The following ASIC2 variants were observed in gnomAD, a reference collection of about 807,000 sequenced individuals.
ASIC2 encodes the protein acid-sensing ion channel 2.
ASIC2 carries 25 observed loss-of-function variants against 57.3 expected under a neutral mutation model. The observed-to-expected ratio is 0.44, with a 90% CI of 0.32 to 0.61. The LOEUF (loss-of-function observed/expected upper bound fraction) is 0.61. Among genes scored for constraint, ASIC2 ranks in the 20% least tolerant of loss-of-function variants. The pLI, the probability that ASIC2 is intolerant of heterozygous loss-of-function variation, is 0.06. For synonymous variants in ASIC2, 319 were observed against 307.5 expected (o/e 1.04, Z -0.39); for missense variants, 641 against 738.1 (o/e 0.87, Z 1.52).
intron 1 of ASIC2, among the ~76,000 whole-genome samples, chr17:33,611,769 G>A (rs1298224439): frequency 6.6e-6 from 1 of 152,228 alleles, no homozygotes; most frequent in African/African-American, 2.4e-5. Flanking sequence ...TGCCCTAGGA[G>A]AGTCACATGA....
intron 8 of ASIC2, among the ~76,000 whole-genome samples, chr17:33,017,248 A>T (rs183776101): frequency 2.8e-4 from 42 of 152,216 alleles, no homozygotes; most frequent in African/African-American, 1.0e-3. Flanking sequence ...ATGCTCATGG[A>T]TGAAGCCACC....
chr17:33,595,738 G>A (rs553008556), intron 1 of ASIC2, among the ~76,000 whole-genome samples: 20 of 152,220 alleles, frequency 1.3e-4, no homozygotes, highest in Non-Finnish European at 1.2e-4. Context: ...CCTTGCAGGG[G>A]GGTTGTGAAA....
chr17:33,303,477 C>G (rs540074700), intron 1 of ASIC2, among the ~76,000 whole-genome samples: 1 of 152,200 alleles, frequency 6.6e-6, no homozygotes, highest in South Asian at 2.1e-4. Context: ...GAAGGCCACA[C>G]AAAAACATTT....
chr17:34,058,317 G>A (rs1240932851), intron 1 of ASIC2, among the ~76,000 whole-genome samples: 1 of 152,016 alleles, frequency 6.6e-6, no homozygotes, highest in Non-Finnish European at 1.5e-5. Context: ...CACCTCACTG[G>A]GTCATCTCAC....
intron 1 of ASIC2, among the ~76,000 whole-genome samples, chr17:33,466,092 A>G (rs998273809): frequency 6.6e-6 from 1 of 152,242 alleles, no homozygotes; most frequent in African/African-American, 2.4e-5. Flanking sequence ...GCTTAAAAAT[A>G]TTTTTTAAAA....
At chr17:33,169,399 T>C (rs1335657220) in intron 1 of ASIC2, among the ~76,000 whole-genome samples, 1 of 152,198 alleles carries the variant, frequency 6.6e-6, no homozygotes, top group Non-Finnish European at 1.5e-5. Context: ...GGAAAGGCAC[T>C]ACCTCACTCA....
chr17:33,482,335 T>C lies in ASIC2; in HGVS notation c.556-370268A>G, dbSNP rs565203111. Among the ~76,000 whole-genome samples, 128 of 152,350 alleles carry C rather than the reference T, an allele frequency of 8.4e-4. 2 individuals carry two copies. The South Asian group carries it at 0.019, about 23-fold the overall frequency. On this transcript the variant is annotated intron_variant, in intron 1 of 9. Coordinates refer to the ASIC2 transcript ENST00000359872. ...GGGCAAAAACCCATGCTGTTCCCTC[T>C]GTTCATATGACCTTCTGCCACTTTG...
intron 1 of ASIC2, among the ~76,000 whole-genome samples, chr17:33,512,996 C>G (rs998310212): frequency 6.6e-6 from 1 of 152,164 alleles, no homozygotes; most frequent in African/African-American, 2.4e-5. Flanking sequence ...GACCATGTAT[C>G]CTGTTGTCCA....
intron 1 of ASIC2, among the ~76,000 whole-genome samples, chr17:33,210,372 C>T (rs1907223462): frequency 6.6e-6 from 1 of 152,178 alleles, no homozygotes; most frequent in Non-Finnish European, 1.5e-5. Context: ...AGATTCCTTC[C>T]TGCCTTCTAA....
intron 1 of ASIC2, among the ~76,000 whole-genome samples, chr17:33,540,735 C>T (rs557123760): frequency 3.9e-5 from 6 of 152,246 alleles, no homozygotes; most frequent in African/African-American, 1.4e-4. Context: ...GGGACCAGGT[C>T]TTCCAAGTCT....
rs114757756 is a variant in ASIC2, at chr17:33,586,311, G to C, written c.556-474244C>G. 1.7e-3 allele frequency among the ~76,000 whole-genome samples: 265 copies of C among 152,148 alleles called. 3 individuals are homozygous for C. Among genetic ancestry groups the C allele is most frequent in the Middle Eastern group, 6.8e-3 (2 of 294 alleles). ...GAGTTTACCATCTAGGGGGGCAGGGGGACCTATTGTAACCTGCTCGGGTGA... is the reference window on the plus strand; with the variant it reads ...GAGTTTACCATCTAGGGGGGCAGGGCGACCTATTGTAACCTGCTCGGGTGA... On this transcript the variant is annotated intron_variant, in intron 1 of 9. Transcript: ENST00000359872.
At chr17:33,046,872 C>T (rs1009147386) in intron 3 of ASIC2, among the ~76,000 whole-genome samples, 5 of 152,224 alleles carry the variant, frequency 3.3e-5, no homozygotes, top group African/African-American at 9.6e-5. Context: ...CGGGCAGAGT[C>T]GTCAGAATGA....
At chr17:33,983,940 C>G (rs1407669555) in intron 1 of ASIC2, among the ~76,000 whole-genome samples, 1 of 152,140 alleles carries the variant, frequency 6.6e-6, no homozygotes, top group Non-Finnish European at 1.5e-5. Flanking sequence ...GGTTGAGAAG[C>G]CCTCTGTTTG....
intron 1 of ASIC2, among the ~76,000 whole-genome samples, chr17:33,968,235 C>A (rs189671837): frequency 6.6e-6 from 1 of 152,176 alleles, no homozygotes; most frequent in Admixed American, 6.5e-5. Flanking sequence ...AGCCCAGTGC[C>A]CTTCCTGCTA....
chr17:33,201,667 A>G (rs1490414272), intron 1 of ASIC2, among the ~76,000 whole-genome samples: 2 of 152,176 alleles, frequency 1.3e-5, no homozygotes, highest in African/African-American at 4.8e-5. Context: ...CACACTGCCT[A>G]TAGAGTAGCC....
At chr17:33,421,607 C>A (rs541354627) in intron 1 of ASIC2, among the ~76,000 whole-genome samples, 75 of 152,272 alleles carry the variant, frequency 4.9e-4, no homozygotes, top group Non-Finnish European at 8.1e-4. Context: ...ACTTTATACC[C>A]AGTTTGGGGT....
chr17:34,069,470 G>GCCT (rs1252992303), intron 1 of ASIC2: 1 of 149,958 alleles, frequency 6.7e-6, no homozygotes, highest in Non-Finnish European at 1.5e-5. Context: ...AATTACCAGG[G>GCCT]CCTATCACTG....
intron 1 of ASIC2, among the ~76,000 whole-genome samples, chr17:33,463,224 C>A (rs1443369418): frequency 2.6e-5 from 4 of 152,258 alleles, no homozygotes. Flanking sequence ...TCAACTTAAA[C>A]CAATGGAGTA....
At chr17:33,117,304 T>C (rs1378684384) in intron 1 of ASIC2, among the ~76,000 whole-genome samples, 1 of 152,016 alleles carries the variant, frequency 6.6e-6, no homozygotes. Flanking sequence ...TCCTGAGTAG[T>C]AGCTGGGATT....
Sources: allele counts gnomAD v4.1 joint callset (sites outside exome capture counted in the v4.1 genomes callset), GRCh38; gene constraint gnomAD v4.1.1; transcripts MANE v1.5; gene names NCBI Gene and HGNC (gene_info 2026-07-23, HGNC 2026-07-21).